The following AGAP1 variants were observed in gnomAD, a reference collection of about 807,000 sequenced individuals.
The protein encoded by AGAP1 is ArfGAP with GTPase domain, ankyrin repeat and PH domain 1.
In AGAP1, 29 loss-of-function variants were observed where a neutral mutation model predicts 105.3. The ratio of observed to expected loss-of-function variants is 0.28; its 90% CI spans 0.21 to 0.38. The LOEUF is 0.38. AGAP1 is among the 10% of genes least tolerant of loss of function. The pLI is 1.00. For synonymous variants in AGAP1, 509 were observed against 485.9 expected (o/e 1.05, Z -0.63); for missense variants, 998 against 1,165.1 (o/e 0.86, Z 2.09).
chr2:235,768,553 A>G (rs1955161965), intron 6 of AGAP1, among the ~76,000 whole-genome samples: 1 of 152,242 alleles, frequency 6.6e-6, no homozygotes, highest in East Asian at 1.9e-4. Flanking sequence ...GTAGTCTTTT[A>G]GTGCCAAAGG....
intron 1 of AGAP1, among the ~76,000 whole-genome samples, chr2:235,676,431 G>A (rs948999696): frequency 1.3e-5 from 2 of 152,230 alleles, no homozygotes; most frequent in Non-Finnish European, 2.9e-5. Context: ...AGAAGAGGGA[G>A]TGAATTGAAT....
Position 235,740,600 on chromosome 2 carries a change from T to C in AGAP1, c.311-363T>C, listed in dbSNP as rs1952522732. Reference sequence around the variant, plus strand: ...ACCTGTTAAGCATGAAAAATTTGTTTCAGTTTTGTGAACCCAACAAGAGAA... The same window carrying C: ...ACCTGTTAAGCATGAAAAATTTGTTCCAGTTTTGTGAACCCAACAAGAGAA... On this transcript the variant is annotated intron_variant, in intron 3 of 17. Coordinates refer to ENST00000304032, the MANE Select transcript of AGAP1 (RefSeq NM_001037131.3). This position sits in a 1 kb window ranked among gnomAD's most constrained non-coding sequence, Gnocchi z 5.7. Among the ~76,000 whole-genome samples the C allele has an allele frequency of 6.6e-6, 1 of 152,242 alleles. No homozygotes were observed. Among genetic ancestry groups the C allele is most frequent in the Admixed American group, 6.5e-5 (1 of 15,284 alleles).
Position 236,095,014 on chromosome 2 carries a change from A to T in AGAP1, c.2115-25178A>T, listed in dbSNP as rs577831597. Among the ~76,000 whole-genome samples the T allele has an allele frequency of 6.6e-6, 1 of 151,740 alleles. No individual in the cohort carries two copies. The highest frequency in any genetic ancestry group is 2.1e-4 in the South Asian group (1 of 4,798). On this transcript the variant is annotated intron_variant, in intron 16 of 17. Transcript: ENST00000304032. The surrounding 1 kb of genome is among the most constrained non-coding windows in gnomAD (Gnocchi z 4.1). ...CTCTTGAGGATGAGATGGGAGGATC[A>T]CTTGAGCCCGGGAGGTCCAGGCTGC... is the stretch of plus-strand genomic sequence containing the variant.
rs1014075992 is a variant in AGAP1, at chr2:235,631,378, A to T, written c.164-77801A>T. ...CAACCATGACCGGCCAGGCTGTGCG[A>T]GCTAGCCAAGGAGAGGCCACGAGGC... On this transcript the variant is annotated intron_variant, in intron 1 of 17. Coordinates refer to ENST00000304032, the MANE Select transcript of AGAP1 (RefSeq NM_001037131.3). This position sits in a 1 kb window ranked among gnomAD's most constrained non-coding sequence, Gnocchi z 5.4. Among the ~76,000 whole-genome samples the T allele has an allele frequency of 1.3e-5, 2 of 152,188 alleles. No individual in the cohort carries two copies. The highest frequency in any genetic ancestry group is 4.8e-5 in the African/African-American group (2 of 41,442).
At chr2:235,768,002 G>T (rs945994293) in intron 6 of AGAP1, among the ~76,000 whole-genome samples, 1 of 152,036 alleles carries the variant, frequency 6.6e-6, no homozygotes, top group Non-Finnish European at 1.5e-5. Context: ...GGCCAGGCTG[G>T]TTTCGAACTC....
Position 235,958,049 on chromosome 2 carries a change from G to C in AGAP1, c.1484-10413G>C, listed in dbSNP as rs1235180868. ...AGCATTTTCCTCTCTCTTTTCTTTT[G>C]TCTTTCTTTTCCTTTTTTTCCATAT... On this transcript the variant is annotated intron_variant, in intron 12 of 17. Coordinates refer to ENST00000304032, the MANE Select transcript of AGAP1 (RefSeq NM_001037131.3). This position sits in a 1 kb window ranked among gnomAD's most constrained non-coding sequence, Gnocchi z 4.1. 6.6e-6 allele frequency among the ~76,000 whole-genome samples: 1 copy of C among 152,144 alleles called. No individual in the cohort carries two copies. Among genetic ancestry groups the C allele is most frequent in the African/African-American group, 2.4e-5 (1 of 41,424 alleles).
intron 6 of AGAP1, among the ~76,000 whole-genome samples, chr2:235,775,970 G>A (rs1022025827): frequency 6.6e-6 from 1 of 152,190 alleles, no homozygotes; most frequent in Non-Finnish European, 1.5e-5. Context: ...GCAACCGCCA[G>A]CTTCTGTCCT....
In AGAP1 at chr2:235,557,247, C is replaced by T. The variant is rs147985052; in HGVS notation, c.163+62398C>T. 1.3e-5 allele frequency among the ~76,000 whole-genome samples: 2 copies of T among 152,266 alleles called. No homozygotes were observed. Among genetic ancestry groups the T allele is most frequent in the East Asian group, 3.9e-4 (2 of 5,164 alleles). On this transcript the variant is annotated intron_variant, in intron 1 of 17. Transcript: ENST00000304032. The surrounding 1 kb of genome is among the most constrained non-coding windows in gnomAD (Gnocchi z 4.7). ...TTGGAATGAGAGGGGAAGGCTGGAA[C>T]TGAGCTGGGCTGGCCATGGGGATGC...
intron 16 of AGAP1, among the ~76,000 whole-genome samples, chr2:236,066,011 G>C (rs1044902925): frequency 6.6e-6 from 1 of 152,180 alleles, no homozygotes; most frequent in African/African-American, 2.4e-5. Flanking sequence ...GTCACTACTC[G>C]TGGCCCTCAG....
intron 8 of AGAP1, among the ~76,000 whole-genome samples, chr2:235,803,122 TGATG>T (rs1957656916): frequency 6.9e-6 from 1 of 145,492 alleles, no homozygotes; most frequent in Non-Finnish European, 1.5e-5. Flanking sequence ...ATGGTGATGA[TGATG>T]GTTGTGGTGA....
At chr2:236,077,408 T>C (rs921517104) in intron 16 of AGAP1, among the ~76,000 whole-genome samples, 4 of 150,308 alleles carry the variant, frequency 2.7e-5, no homozygotes, top group African/African-American at 7.3e-5. Flanking sequence ...AACCTCCGCC[T>C]CCCATGTTCA....
At chr2:235,544,109 G>A (rs1313352547) in intron 1 of AGAP1, among the ~76,000 whole-genome samples, 1 of 152,202 alleles carries the variant, frequency 6.6e-6, no homozygotes, top group Non-Finnish European at 1.5e-5. Context: ...GTTTCATAAG[G>A]CTAACGTTGA....
At chr2:235,764,317 C>T (rs2675138) in intron 6 of AGAP1, among the ~76,000 whole-genome samples, 42,509 of 151,980 alleles carry the variant, frequency 0.28, 6,259 homozygotes, top group Admixed American at 0.41. Flanking sequence ...GCACAGAAAC[C>T]GATTTTCAGG....
chr2:236,037,827 G>T (rs2057428455), intron 14 of AGAP1, among the ~76,000 whole-genome samples: 1 of 152,064 alleles, frequency 6.6e-6, no homozygotes. Context: ...CTCTTTGCTG[G>T]GACGTCTTAG....
At chr2:235,790,181 G>A (rs1364584485) in intron 6 of AGAP1, among the ~76,000 whole-genome samples, 1 of 152,154 alleles carries the variant, frequency 6.6e-6, no homozygotes, top group Admixed American at 6.5e-5. Context: ...GTGCTTATGG[G>A]AAGATGGAAC....
rs973994047 is a variant in AGAP1, at chr2:235,725,260, A to G, written c.310+7616A>G. ...TTGTTTCCTGTCATCGGGGTAGTAA[A>G]TGTGTTCTCAGGAGCACGTGTATCT... is the stretch of plus-strand genomic sequence containing the variant. On this transcript the variant is annotated intron_variant, in intron 3 of 17. Coordinates refer to ENST00000304032, the MANE Select transcript of AGAP1 (RefSeq NM_001037131.3). This position sits in a 1 kb window ranked among gnomAD's most constrained non-coding sequence, Gnocchi z 5.7. 9.2e-5 allele frequency among the ~76,000 whole-genome samples: 14 copies of G among 152,276 alleles called. No homozygotes were observed. The highest frequency in any genetic ancestry group is 3.4e-4 in the African/African-American group (14 of 41,554).
At chr2:235,543,768 G>A (rs6717219) in intron 1 of AGAP1, among the ~76,000 whole-genome samples, 18,467 of 152,234 alleles carry the variant, frequency 0.12, 1,430 homozygotes, top group African/African-American at 0.21. Context: ...GGAACAGCAC[G>A]AGAGCTCCTT....
At chr2:235,798,374 T>C (rs1361203235) in intron 7 of AGAP1, among the ~76,000 whole-genome samples, 1 of 152,256 alleles carries the variant, frequency 6.6e-6, no homozygotes, top group Non-Finnish European at 1.5e-5. Context: ...TAATGGTCAC[T>C]TTGAAGAACT....
rs1208702451 is a variant in AGAP1 at position 235,728,239 on chromosome 2, C to A, written c.310+10595C>A. ...GATGTAGTGAAAGTGCCCCCAAGCT[C>A]CCCGCTCCATTTCATGTGCTACTGG... On this transcript the variant is annotated intron_variant, in intron 3 of 17. Coordinates refer to ENST00000304032, the MANE Select transcript of AGAP1 (RefSeq NM_001037131.3). The surrounding 1 kb of genome is among the most constrained non-coding windows in gnomAD (Gnocchi z 4.3). Among the ~76,000 whole-genome samples, 1 of 152,032 alleles carries A rather than the reference C, an allele frequency of 6.6e-6. No individual in the cohort carries two copies. Among genetic ancestry groups the A allele is most frequent in the Non-Finnish European group, 1.5e-5 (1 of 68,026 alleles).
Sources: allele counts gnomAD v4.1 joint callset (sites outside exome capture counted in the v4.1 genomes callset), GRCh38; gene constraint gnomAD v4.1.1; non-coding constraint Gnocchi (gnomAD v3.1); transcripts MANE v1.5; gene names NCBI Gene and HGNC (gene_info 2026-07-23, HGNC 2026-07-21).